Variants in MSTO1 observed in about 807,000 individuals in gnomAD.
MSTO1 encodes the protein protein misato homolog 1.
In MSTO1, 24 loss-of-function variants were observed where a neutral mutation model predicts 55.7. The observed-to-expected ratio is 0.43, with a 90% CI of 0.31 to 0.61. The LOEUF (loss-of-function observed/expected upper bound fraction) is 0.61. Ranked by LOEUF, MSTO1 falls within the 20% of genes least tolerant of loss-of-function variation. MSTO1 has a pLI of 0.09. For missense variants in MSTO1, 363 were observed against 625.7 expected (o/e 0.58, Z 4.48); for synonymous variants, 162 against 252.8 (o/e 0.64, Z 3.41).
chr1:155,569,134 T>C, the MSTO1 span, among the ~76,000 whole-genome samples: 4 of 151,756 alleles, frequency 2.6e-5, no homozygotes, highest in African/African-American at 4.8e-5. Flanking sequence ...TATTTTTATT[T>C]ATTTATTTAT....
At chr1:155,597,082 G>A in the MSTO1 span, among the ~76,000 whole-genome samples, 1 of 152,150 alleles carries the variant, frequency 6.6e-6, no homozygotes, top group Non-Finnish European at 1.5e-5. Flanking sequence ...ACTCCAGCCT[G>A]GGCAACTGAG....
chr1:155,599,957 G>GCA, the MSTO1 span, among the ~76,000 whole-genome samples: 1 of 152,380 alleles, frequency 6.6e-6, no homozygotes, highest in Non-Finnish European at 1.5e-5. Flanking sequence ...TAGATGGAAT[G>GCA]TACAATCGGG....
chr1:155,567,350 C>T, the MSTO1 span, among the ~76,000 whole-genome samples: 12 of 137,614 alleles, frequency 8.7e-5, no homozygotes, highest in Non-Finnish European at 1.2e-4. Context: ...CTCGTTCTGT[C>T]GCCCAGGCGG....
At chr1:155,608,266 C>A (rs112490079), upstream of MSTO1, among the ~76,000 whole-genome samples, 1 of 152,156 alleles carries the variant, frequency 6.6e-6, no homozygotes, top group Admixed American at 6.5e-5. Flanking sequence ...TGCGCTGAAG[C>A]GATCCTCTCA....
At chr1:155,605,951 G>A (rs1001463505), upstream of MSTO1, among the ~76,000 whole-genome samples, 3 of 152,290 alleles carry the variant, frequency 2.0e-5, no homozygotes, top group African/African-American at 4.8e-5. Context: ...ATCAAATGCT[G>A]ACAAGAACAT....
At chr1:155,568,089 A>ATTTTTT in the MSTO1 span, among the ~76,000 whole-genome samples, 3 of 148,138 alleles carry the variant, frequency 2.0e-5, no homozygotes, top group South Asian at 4.2e-4. Flanking sequence ...ATTTTATTTT[A>ATTTTTT]TTTTTTTTGA....
chr1:155,608,205 T>C (rs1490715992), upstream of MSTO1, among the ~76,000 whole-genome samples: 1 of 152,226 alleles, frequency 6.6e-6, no homozygotes, highest in Non-Finnish European at 1.5e-5. Context: ...TCCCTCTGTC[T>C]CTGGCTGCAG....
the MSTO1 span, among the ~76,000 whole-genome samples, chr1:155,584,206 T>C: frequency 6.6e-6 from 1 of 151,710 alleles, no homozygotes; most frequent in Non-Finnish European, 1.5e-5. Context: ...CTCTACAAAA[T>C]ATAAAAGCCA....
rs759750580 is a variant in MSTO1 at position 155,612,850 on chromosome 1, C to T, written c.973C>T (p.Leu325=). 1.9e-6 allele frequency: 3 copies of T among 1,613,926 alleles called. No homozygotes were observed. The highest frequency in any genetic ancestry group is 2.5e-6 in the Non-Finnish European group (3 of 1,179,848). The change falls in exon 10 of 14, where the codon CTG becomes TTG. Residue 325 remains leucine, a synonymous_variant. Transcript: ENST00000245564. ...SFPYLHYDAT[L]PFHCSAILAT... The stretch of plus-strand genomic sequence containing the variant: ...TCTTGGTGTCTTCTTACAGGCCACT[C>T]TGCCCTTCCACTGCAGTGCCATCCT...
intron 2 of MSTO1, 21 bp downstream of exon 2, chr1:155,610,581 G>C (rs1461276766): frequency 1.2e-6 from 1 of 862,876 alleles, no homozygotes. Context: ...GGCAGAGTTA[G>C]CCGATGCCCC....
the MSTO1 span, among the ~76,000 whole-genome samples, chr1:155,595,496 T>C: frequency 1.3e-5 from 2 of 150,166 alleles, no homozygotes; most frequent in South Asian, 4.2e-4. Context: ...TTTTTCTTTT[T>C]TTTTTTTTTT....
chr1:155,613,941 C>T (rs1675062314), intron 13 of MSTO1, 118 bp from the exon 14 acceptor site: 4 of 1,215,304 alleles, frequency 3.3e-6, no homozygotes, highest in Admixed American at 2.6e-5. Flanking sequence ...GGACAATACA[C>T]CAAATTTGTT....
Position 155,612,435 on chromosome 1 carries a change from C to T in MSTO1, c.831C>T (p.Ile277=). 2 of 1,613,262 alleles carry T rather than the reference C, an allele frequency of 1.2e-6. No homozygotes were observed. Among genetic ancestry groups the T allele is most frequent in the Non-Finnish European group, 8.5e-7 (1 of 1,179,584 alleles). ...TTCACCAGGAGGCCCAGAGAAACAT[C>T]TATCGTCTATTAAACACAGCTTTTG... The part of the protein sequence containing the change: ...PYHRGEAQRN[I]YRLLNTAFGL... The change falls in exon 9 of 14, where the codon ATC becomes ATT. Residue 277 remains isoleucine, a synonymous_variant. Coordinates refer to ENST00000245564, the MANE Select transcript of MSTO1 (RefSeq NM_018116.4).
the MSTO1 span, among the ~76,000 whole-genome samples, chr1:155,601,823 C>T: frequency 1.3e-5 from 2 of 152,156 alleles, no homozygotes; most frequent in South Asian, 2.1e-4. Flanking sequence ...GGCGCAATCT[C>T]GGTTCACTGC....
At chr1:155,569,118 G>T in the MSTO1 span, among the ~76,000 whole-genome samples, 1 of 151,398 alleles carries the variant, frequency 6.6e-6, no homozygotes, top group Non-Finnish European at 1.5e-5. Context: ...CCTCCCAAGG[G>T]TTTTTTATTT....
the MSTO1 span, among the ~76,000 whole-genome samples, chr1:155,581,403 T>C: frequency 2.6e-5 from 4 of 151,984 alleles, no homozygotes; most frequent in Admixed American, 6.6e-5. Context: ...TACTTTATAT[T>C]TTATTATTAT....
chr1:155,597,578 C>G, the MSTO1 span, among the ~76,000 whole-genome samples: 4 of 150,644 alleles, frequency 2.7e-5, no homozygotes, highest in Middle Eastern at 3.4e-3. Context: ...GGTGTGATTT[C>G]GGCTCACTGC....
chr1:155,570,191 T>G, the MSTO1 span, among the ~76,000 whole-genome samples: 3 of 152,182 alleles, frequency 2.0e-5, no homozygotes, highest in African/African-American at 7.2e-5. Context: ...TAACATGCCT[T>G]TTTTGAAGTC....
chr1:155,563,438 G>C, the MSTO1 span: 1 of 456,726 alleles, frequency 2.2e-6, no homozygotes, highest in Non-Finnish European at 4.4e-6. Context: ...GCCTCCGGGG[G>C]GATTCCTCCC....
Sources: gnomAD v4.1 joint callset for allele counts (sites outside exome capture counted in the v4.1 genomes callset) on GRCh38, gnomAD v4.1.1 for gene constraint, MANE v1.5 for transcripts, NCBI Gene and HGNC (gene_info 2026-07-23, HGNC 2026-07-21) for gene names.